The following ARHGAP17 variants were observed in gnomAD, a reference collection of about 807,000 sequenced individuals.
The protein encoded by ARHGAP17 is rho GTPase-activating protein 17.
A neutral mutation model predicts 99.5 loss-of-function variants in ARHGAP17; 57 were observed. The observed-to-expected ratio is 0.57, with a 90% CI of 0.46 to 0.71. ARHGAP17 has a LOEUF of 0.71. Ranked by LOEUF, ARHGAP17 falls within the 30% of genes least tolerant of loss-of-function variation. ARHGAP17 has a pLI of 0.00. For synonymous variants in ARHGAP17, 417 were observed against 429.6 expected, an observed-to-expected ratio of 0.97 and a Z score of 0.36; for missense variants, 1,000 against 1,122.4, an observed-to-expected ratio of 0.89 and a Z score of 1.56.
At chr16:24,993,323 C>T (rs565884864) in intron 1 of ARHGAP17, among the ~76,000 whole-genome samples, 40 of 152,172 alleles carry the variant, frequency 2.6e-4, no homozygotes, top group African/African-American at 9.2e-4. Context: ...TGGTGGCTCA[C>T]GCCTGTAATC....
chr16:24,993,588 CAAA>C (rs74798570), intron 1 of ARHGAP17, among the ~76,000 whole-genome samples: 16 of 113,602 alleles, frequency 1.4e-4, no homozygotes, highest in East Asian at 2.4e-4. Flanking sequence ...GACTCTGTCT[CAAA>C]AAAAAAAAAA....
rs750388783 is a variant in ARHGAP17 at position 24,920,197 on chromosome 16, G to T, written c.2579C>A (p.Ala860Asp). Residue 860 changes from alanine (A) to aspartate (D), a missense_variant, in exon 20 of 20, where the codon GCC becomes GAC. This residue lies in a region of ARHGAP17 where 528 missense variants were observed against 511.4 expected (regional missense o/e 1.03). Coordinates refer to ENST00000289968, the MANE Select transcript of ARHGAP17 (RefSeq NM_001006634.3). ...GATGCGGCCAGGCACGTCTTTGCTGGCTGAGTCTGAGTGCATTTCAGGAAA... is the reference window on the plus strand; with the variant it reads ...GATGCGGCCAGGCACGTCTTTGCTGTCTGAGTCTGAGTGCATTTCAGGAAA... The part of the protein sequence containing the change: ...SIFPEMHSDS[A>D]SKDVPGRILL... 38 of 1,614,154 alleles carry T rather than the reference G, an allele frequency of 2.4e-5. 1 individual carries two copies. The South Asian group carries it at 3.7e-4, about 16-fold the overall frequency.
intron 7 of ARHGAP17, 58 bp from the exon 8 acceptor site, chr16:24,960,037 T>C (rs2051938556): frequency 6.5e-7 from 1 of 1,527,892 alleles, no homozygotes; most frequent in Non-Finnish European, 9.1e-7. Flanking sequence ...CAAAATGGCA[T>C]CTGAGAACAA....
intron 1 of ARHGAP17, among the ~76,000 whole-genome samples, chr16:25,003,641 T>G (rs1211203890): frequency 6.6e-6 from 1 of 152,002 alleles, no homozygotes; most frequent in Non-Finnish European, 1.5e-5. Flanking sequence ...CTGGCCAACA[T>G]GGTGAAACCC....
At chr16:24,997,488 G>A (rs138342529) in intron 1 of ARHGAP17, among the ~76,000 whole-genome samples, 20 of 152,326 alleles carry the variant, frequency 1.3e-4, no homozygotes, top group Non-Finnish European at 2.1e-4. Flanking sequence ...TTATTTCTTT[G>A]GCAGATCCCT....
chr16:24,958,756 C>G (rs527979513), intron 9 of ARHGAP17, among the ~76,000 whole-genome samples: 1 of 152,304 alleles, frequency 6.6e-6, no homozygotes, highest in African/African-American at 2.4e-5. Context: ...AGCATCCCCC[C>G]CACAACACAC....
intron 19 of ARHGAP17, among the ~76,000 whole-genome samples, chr16:24,922,129 C>T (rs753059205): frequency 2.0e-5 from 3 of 152,224 alleles, no homozygotes; most frequent in Non-Finnish European, 2.9e-5. Flanking sequence ...TTGAAGACGA[C>T]GTATAAGAAA....
At chr16:24,939,816 T>C (rs531653654) in intron 16 of ARHGAP17, 11 of 588,654 alleles carry the variant, frequency 1.9e-5, no homozygotes, top group African/African-American at 1.9e-4. Flanking sequence ...TCAATGTCTT[T>C]GATCAATTTG....
chr16:25,003,528 AACTTG>A, intron 1 of ARHGAP17, among the ~76,000 whole-genome samples: 1 of 152,222 alleles, frequency 6.6e-6, no homozygotes, highest in South Asian at 2.1e-4. Context: ...AGCTTTTTAA[AACTTG>A]GAAGAACCAG....
intron 4 of ARHGAP17, among the ~76,000 whole-genome samples, chr16:24,969,076 C>A (rs1357196819): frequency 6.6e-6 from 1 of 152,198 alleles, no homozygotes; most frequent in Non-Finnish European, 1.5e-5. Context: ...CAAGTGTTCA[C>A]AAAATACTCT....
At chr16:24,930,383 G>A (rs750188051) in intron 19 of ARHGAP17, among the ~76,000 whole-genome samples, 9 of 152,146 alleles carry the variant, frequency 5.9e-5, no homozygotes, top group Admixed American at 2.0e-4. Context: ...GTTCATGCTC[G>A]TGTTGTAAAA....
At chr16:24,967,671 C>T (rs1457214171) in intron 6 of ARHGAP17, among the ~76,000 whole-genome samples, 3 of 151,786 alleles carry the variant, frequency 2.0e-5, no homozygotes, top group Non-Finnish European at 4.4e-5. Flanking sequence ...GCCTGTAGTC[C>T]CAGCTACCTG....
chr16:24,977,395 T>A, intron 2 of ARHGAP17, 76 bp from the exon 3 acceptor site: 10 of 1,216,308 alleles, frequency 8.2e-6, no homozygotes, highest in African/African-American at 1.5e-5. Context: ...AGGAAAAGCA[T>A]GGCTGAATCT....
At chr16:24,984,932 T>A (rs891367552) in intron 1 of ARHGAP17, among the ~76,000 whole-genome samples, 3 of 152,168 alleles carry the variant, frequency 2.0e-5, no homozygotes, top group African/African-American at 7.2e-5. Flanking sequence ...AAATCCAGTT[T>A]TAAAAATTTT....
At chr16:25,005,594 C>T (rs2053483050) in intron 1 of ARHGAP17, among the ~76,000 whole-genome samples, 1 of 152,152 alleles carries the variant, frequency 6.6e-6, no homozygotes, top group Non-Finnish European at 1.5e-5. Context: ...ATTTTTAACC[C>T]CAGCCCCTAT....
intron 17 of ARHGAP17, among the ~76,000 whole-genome samples, chr16:24,937,838 G>A (rs1259891149): frequency 6.6e-6 from 1 of 152,216 alleles, no homozygotes; most frequent in African/African-American, 2.4e-5. Context: ...TAAACGTGTG[G>A]ATAAACAGCC....
intron 9 of ARHGAP17, chr16:24,956,709 A>C (rs2051819675): frequency 6.6e-6 from 1 of 152,220 alleles, no homozygotes; most frequent in Non-Finnish European, 1.5e-5. Flanking sequence ...GTGTTGCCAG[A>C]TGTTCTCAAC....
intron 1 of ARHGAP17, among the ~76,000 whole-genome samples, chr16:24,992,975 T>C (rs549031428): frequency 3.0e-4 from 46 of 152,238 alleles, no homozygotes; most frequent in Non-Finnish European, 5.7e-4. Context: ...AATTTTTGTA[T>C]TTTTTTGTAC....
intron 19 of ARHGAP17, among the ~76,000 whole-genome samples, chr16:24,926,064 C>G (rs1328735651): frequency 7.0e-6 from 1 of 143,296 alleles, no homozygotes; most frequent in African/African-American, 2.7e-5. Context: ...GAGCCAAGAT[C>G]GTGCCACTGC....
Sources: allele counts gnomAD v4.1 joint callset (sites outside exome capture counted in the v4.1 genomes callset), GRCh38; gene constraint gnomAD v4.1.1; regional missense constraint gnomAD v4.1.1; transcripts MANE v1.5; gene names NCBI Gene and HGNC (gene_info 2026-07-23, HGNC 2026-07-21).